C8orf34: variants seen among roughly 807,000 people sequenced by gnomAD.
The protein encoded by C8orf34 is uncharacterized protein C8orf34.
Under a neutral mutation model 68.3 loss-of-function variants are expected in C8orf34, and 65 were observed. The observed-to-expected ratio is 0.95, with a 90% CI of 0.78 to 1.17. C8orf34 has a LOEUF of 1.17. Ranked by LOEUF, C8orf34 falls within the 50% of genes most tolerant of loss-of-function variation. The pLI, the probability that C8orf34 is intolerant of heterozygous loss-of-function variation, is 0.00. For missense variants in C8orf34, 664 were observed against 655.4 expected, an observed-to-expected ratio of 1.01 and a Z score of -0.14; for synonymous variants, 244 against 241.2, an observed-to-expected ratio of 1.01 and a Z score of -0.11.
intron 3 of C8orf34, among the ~76,000 whole-genome samples, chr8:68,448,511 T>C (rs555640436): frequency 3.3e-5 from 5 of 152,154 alleles, no homozygotes; most frequent in African/African-American, 1.2e-4. Flanking sequence ...TTTTCATCTC[T>C]AAAGCATCAC....
At chr8:68,602,318 T>A (rs1258457873) in intron 7 of C8orf34, among the ~76,000 whole-genome samples, 1 of 152,088 alleles carries the variant, frequency 6.6e-6, no homozygotes, top group Non-Finnish European at 1.5e-5. Context: ...CTCACTGCTG[T>A]AAAGAGAATG....
chr8:68,510,099 C>T (rs1362580100), intron 5 of C8orf34, among the ~76,000 whole-genome samples: 2 of 152,122 alleles, frequency 1.3e-5, no homozygotes, highest in Non-Finnish European at 2.9e-5. Flanking sequence ...CCTGTAAATC[C>T]AGTTTTTTTC....
intron 10 of C8orf34, among the ~76,000 whole-genome samples, chr8:68,750,674 C>T (rs1822680450): frequency 6.6e-6 from 1 of 152,034 alleles, no homozygotes; most frequent in Non-Finnish European, 1.5e-5. Context: ...GTCTAAAATC[C>T]ACATGAATAG....
chr8:68,682,504 T>G (rs1424410448), intron 8 of C8orf34, among the ~76,000 whole-genome samples: 1 of 152,086 alleles, frequency 6.6e-6, no homozygotes, highest in African/African-American at 2.4e-5. Context: ...AAGTGTAAAT[T>G]TTCCTCATAA....
chr8:68,572,196 G>C (rs965847599), intron 7 of C8orf34, among the ~76,000 whole-genome samples: 3 of 151,366 alleles, frequency 2.0e-5, no homozygotes, highest in Admixed American at 2.0e-4. Context: ...GTCTATTGCT[G>C]ACTGAAACGT....
intron 7 of C8orf34, among the ~76,000 whole-genome samples, chr8:68,614,486 C>A (rs1365520647): frequency 6.6e-6 from 1 of 152,108 alleles, no homozygotes; most frequent in Non-Finnish European, 1.5e-5. Flanking sequence ...AGGAAGGGAT[C>A]CAGTTTCAGC....
intron 7 of C8orf34, among the ~76,000 whole-genome samples, chr8:68,563,600 A>T (rs1430193969): frequency 1.3e-5 from 2 of 152,072 alleles, no homozygotes; most frequent in Non-Finnish European, 2.9e-5. Flanking sequence ...GCCAGCTAGC[A>T]GATTTTGGAG....
At chr8:68,666,006 A>G (rs1379245623) in intron 8 of C8orf34, among the ~76,000 whole-genome samples, 3 of 152,352 alleles carry the variant, frequency 2.0e-5, no homozygotes, top group African/African-American at 7.2e-5. Context: ...CATTAGGAAA[A>G]TTAAAAATTT....
Position 68,640,397 on chromosome 8 carries a change from T to A in C8orf34, c.1127T>A (p.Met376Lys). ...ELLEDLNDLRMEGVTTLVPSG... is the reference protein window; with the variant it reads ...ELLEDLNDLRKEGVTTLVPSG... The stretch of plus-strand genomic sequence containing the variant: ...ACAGAGGATCTTAATGATTTAAGAA[T>A]GGAGGGAGTAACAACCCTGGTACCT... The change falls in exon 8 of 14, where the codon ATG (methionine) becomes AAG (lysine). Residue 376 changes from methionine (M) to lysine (K), a missense_variant. Met to Lys is a moderately conservative substitution (Grantham distance 95, BLOSUM62 -1). Coordinates refer to ENST00000518698, the MANE Select transcript of C8orf34 (RefSeq NM_052958.4). 1 of 1,613,770 alleles carries A rather than the reference T, an allele frequency of 6.2e-7. No homozygotes were observed. The highest frequency in any genetic ancestry group is 8.5e-7 in the Non-Finnish European group (1 of 1,179,772).
At chr8:68,631,984 A>T (rs888609430) in intron 7 of C8orf34, among the ~76,000 whole-genome samples, 2 of 152,184 alleles carry the variant, frequency 1.3e-5, no homozygotes, top group African/African-American at 4.8e-5. Context: ...ACCAGGAATG[A>T]GGTACTGCCT....
At chr8:68,534,266 T>G in intron 7 of C8orf34, 3 of 985,420 alleles carry the variant, frequency 3.0e-6, no homozygotes, top group Non-Finnish European at 3.6e-6. Context: ...CATTACATGC[T>G]GTTGGTCCCT....
intron 9 of C8orf34, among the ~76,000 whole-genome samples, chr8:68,711,133 G>A (rs1821567): frequency 0.71 from 107,595 of 152,032 alleles, 38,085 homozygotes; most frequent in Middle Eastern, 0.78. Flanking sequence ...CACAACATCA[G>A]GGGAACACAC....
intron 10 of C8orf34, among the ~76,000 whole-genome samples, chr8:68,771,065 T>C: frequency 6.6e-6 from 1 of 152,158 alleles, no homozygotes; most frequent in East Asian, 1.9e-4. Flanking sequence ...TTTTCAAAAA[T>C]ACTGTAAACA....
intron 8 of C8orf34, among the ~76,000 whole-genome samples, chr8:68,661,186 A>G (rs890542222): frequency 6.6e-6 from 1 of 152,192 alleles, no homozygotes; most frequent in African/African-American, 2.4e-5. Context: ...CATTGGACGC[A>G]GCATGCACAT....
chr8:68,527,782 C>T (rs2129765352), intron 6 of C8orf34, among the ~76,000 whole-genome samples: 2 of 152,230 alleles, frequency 1.3e-5, no homozygotes, highest in Middle Eastern at 6.8e-3. Flanking sequence ...AAAGAGGGGC[C>T]TCGGAACCCT....
At chr8:68,432,179 C>T (rs1029125787) in intron 1 of C8orf34, among the ~76,000 whole-genome samples, 1 of 150,290 alleles carries the variant, frequency 6.7e-6, no homozygotes, top group Non-Finnish European at 1.5e-5. Context: ...TAACAAGCAC[C>T]GTTGTAAAAG....
chr8:68,353,307 G>A (rs984771945), intron 1 of C8orf34, among the ~76,000 whole-genome samples: 4 of 151,962 alleles, frequency 2.6e-5, no homozygotes, highest in Non-Finnish European at 4.4e-5. Context: ...TATAATAAAA[G>A]TCTAAATAAA....
intron 1 of C8orf34, among the ~76,000 whole-genome samples, chr8:68,401,592 TG>T (rs1170710552): frequency 2.0e-5 from 3 of 152,150 alleles, no homozygotes; most frequent in Non-Finnish European, 4.4e-5. Flanking sequence ...AAGGGGATGC[TG>T]AATTTTTATC....
chr8:68,818,105 T>C (rs1824875141), intron 13 of C8orf34, 134 bp from the exon 14 acceptor site: 3 of 774,952 alleles, frequency 3.9e-6, no homozygotes, highest in Non-Finnish European at 6.4e-6. Context: ...AGAGGTAGTA[T>C]TCTAATGTCA....
Sources: allele counts gnomAD v4.1 joint callset (sites outside exome capture counted in the v4.1 genomes callset), GRCh38; gene constraint gnomAD v4.1.1; transcripts MANE v1.5; gene names NCBI Gene and HGNC (gene_info 2026-07-23, HGNC 2026-07-21).